HS6ST3: variants seen among roughly 807,000 people sequenced by gnomAD.
HS6ST3 encodes heparan-sulfate 6-O-sulfotransferase 3.
Under a neutral mutation model 36.7 loss-of-function variants are expected in HS6ST3, and 12 were observed. The observed-to-expected ratio is 0.33, with a 90% confidence interval of 0.21 to 0.53. The LOEUF is 0.53. Among genes scored for constraint, HS6ST3 ranks in the 20% least tolerant of loss-of-function variants. The pLI, the probability that HS6ST3 is intolerant of heterozygous loss-of-function variation, is 0.95. For synonymous variants in HS6ST3, 240 were observed against 257.5 expected (o/e 0.93, Z 0.65); for missense variants, 584 against 640.9 (o/e 0.91, Z 0.96).
chr13:96,744,708 C>A (rs775915412), intron 1 of HS6ST3, among the ~76,000 whole-genome samples: 1 of 152,054 alleles, frequency 6.6e-6, no homozygotes, highest in Non-Finnish European at 1.5e-5. Context: ...AAATGCACTG[C>A]AGTCATGAGG....
At chr13:96,701,493 G>A (rs1875283734) in intron 1 of HS6ST3, among the ~76,000 whole-genome samples, 1 of 152,060 alleles carries the variant, frequency 6.6e-6, no homozygotes, top group Admixed American at 6.6e-5. Context: ...TTTCTCAGAT[G>A]TAGAAATAAA....
rs912503440 is a variant in HS6ST3 at position 96,199,073 on chromosome 13, C to T, written c.707+107504C>T. On this transcript the variant is annotated intron_variant, in intron 1 of 1. Transcript: ENST00000376705. Reference sequence around the variant, plus strand: ...GCAAAAGCTGAAACCCCTGATAAACCCATCAGATCTCGTGAGACTTATTCA... The same window carrying T: ...GCAAAAGCTGAAACCCCTGATAAACTCATCAGATCTCGTGAGACTTATTCA... Among the ~76,000 whole-genome samples, 14 of 152,092 alleles carry T rather than the reference C, an allele frequency of 9.2e-5. No individual in the cohort carries two copies. The South Asian group carries it at 1.5e-3, about 16-fold the overall frequency.
chr13:96,474,188 A>G (rs1566371221), intron 1 of HS6ST3, among the ~76,000 whole-genome samples: 1 of 152,130 alleles, frequency 6.6e-6, no homozygotes, highest in Non-Finnish European at 1.5e-5. Flanking sequence ...TGTTGGACAC[A>G]TCTTAATGTT....
rs540487344 is a variant in HS6ST3, at chr13:96,521,606, C to T, written c.708-310884C>T. Among the ~76,000 whole-genome samples the T allele has an allele frequency of 1.1e-3, 169 of 152,220 alleles. 1 individual carries two copies. Among genetic ancestry groups the T allele is most frequent in the African/African-American group, 3.8e-3 (156 of 41,542 alleles). Reference sequence around the variant, plus strand: ...AGGGTGTATGTGTCCAGGAATTTATCCCTTTCTTCTAGATTTTCTAGCTTA... The same window carrying T: ...AGGGTGTATGTGTCCAGGAATTTATTCCTTTCTTCTAGATTTTCTAGCTTA... On this transcript the variant is annotated intron_variant, in intron 1 of 1. Transcript: ENST00000376705.
At chr13:96,781,372 G>C (rs558832945) in intron 1 of HS6ST3, among the ~76,000 whole-genome samples, 1 of 152,326 alleles carries the variant, frequency 6.6e-6, no homozygotes, top group East Asian at 1.9e-4. Context: ...CCTTTGGCCA[G>C]ATGCCCTTGT....
chr13:96,384,197 G>A (rs2055356236), intron 1 of HS6ST3, among the ~76,000 whole-genome samples: 1 of 152,144 alleles, frequency 6.6e-6, no homozygotes, highest in Non-Finnish European at 1.5e-5. Context: ...TTAGAGTGAG[G>A]TGTCCTTGGT....
chr13:96,405,215 T>C (rs1053442482), intron 1 of HS6ST3, among the ~76,000 whole-genome samples: 1 of 152,204 alleles, frequency 6.6e-6, no homozygotes, highest in African/African-American at 2.4e-5. Context: ...TTTTTTATTT[T>C]CCTCAAGTTT....
rs575468883 is a variant in HS6ST3 at position 96,658,865 on chromosome 13, C to T, written c.708-173625C>T. 3.7e-3 allele frequency among the ~76,000 whole-genome samples: 558 copies of T among 151,976 alleles called. 5 individuals are homozygous for T. Among genetic ancestry groups the T allele is most frequent in the African/African-American group, 7.7e-3 (318 of 41,480 alleles). ...GGATTACAGGCATGCACCACCACAC[C>T]CAGCTAATTTTTTTGTATTTTTAGT... On this transcript the variant is annotated intron_variant, in intron 1 of 1. Coordinates refer to ENST00000376705, the MANE Select transcript of HS6ST3 (RefSeq NM_153456.4).
At chr13:96,115,773 G>T (rs1482580466) in intron 1 of HS6ST3, among the ~76,000 whole-genome samples, 2 of 152,180 alleles carry the variant, frequency 1.3e-5, no homozygotes, top group East Asian at 1.9e-4. Context: ...TAATGGGATT[G>T]TTGGGTCAAA....
chr13:96,799,784 T>TA (rs141104397), intron 1 of HS6ST3, among the ~76,000 whole-genome samples: 662 of 140,088 alleles, frequency 4.7e-3, no homozygotes, highest in South Asian at 6.8e-3. Flanking sequence ...AGTATAATAA[T>TA]AAAAAAAAAA....
intron 1 of HS6ST3, among the ~76,000 whole-genome samples, chr13:96,186,994 C>T (rs1312509475): frequency 3.9e-5 from 6 of 152,202 alleles, no homozygotes; most frequent in East Asian, 1.9e-4. Context: ...GTTTATGGCT[C>T]AGGACTCTCT....
At chr13:96,728,820 C>A (rs1338293900) in intron 1 of HS6ST3, among the ~76,000 whole-genome samples, 1 of 152,126 alleles carries the variant, frequency 6.6e-6, no homozygotes, top group Non-Finnish European at 1.5e-5. Context: ...GAAGTGCTTT[C>A]TACCATTCAA....
chr13:96,168,234 G>C (rs186495100), intron 1 of HS6ST3, among the ~76,000 whole-genome samples: 1 of 152,132 alleles, frequency 6.6e-6, no homozygotes, highest in Non-Finnish European at 1.5e-5. Flanking sequence ...TGGCTATGGA[G>C]CCAGCAGTTT....
rs1013650337 is a variant in HS6ST3, at chr13:96,586,174, T to C, written c.708-246316T>C. Among the ~76,000 whole-genome samples the C allele has an allele frequency of 2.0e-5, 3 of 152,340 alleles. No homozygotes were observed. The South Asian group carries it at 6.2e-4, about 32-fold the overall frequency. ...TAGTACTTTTGTCTTGCTAGTATCT[T>C]TTGTCATTTTGATAATATAATACTC... On this transcript the variant is annotated intron_variant, in intron 1 of 1. Coordinates refer to ENST00000376705, the MANE Select transcript of HS6ST3 (RefSeq NM_153456.4).
chr13:96,485,532 A>G (rs2055910022), intron 1 of HS6ST3, among the ~76,000 whole-genome samples: 1 of 152,156 alleles, frequency 6.6e-6, no homozygotes, highest in African/African-American at 2.4e-5. Context: ...AACTAAAGCA[A>G]TTTTATTTCT....
chr13:96,495,413 C>G (rs933154260), intron 1 of HS6ST3, among the ~76,000 whole-genome samples: 1 of 152,164 alleles, frequency 6.6e-6, no homozygotes, highest in African/African-American at 2.4e-5. Flanking sequence ...AAACACCTTT[C>G]CTTCATCATT....
intron 1 of HS6ST3, among the ~76,000 whole-genome samples, chr13:96,161,517 A>T (rs538288284): frequency 8.5e-5 from 13 of 152,316 alleles, no homozygotes; most frequent in Non-Finnish European, 1.6e-4. Context: ...GATTCCTAAC[A>T]TGGAGTTCTT....
chr13:96,730,048 CT>C (rs1876108507), intron 1 of HS6ST3, among the ~76,000 whole-genome samples: 1 of 152,148 alleles, frequency 6.6e-6, no homozygotes, highest in South Asian at 2.1e-4. Context: ...TGTATCTTTT[CT>C]GTATGCATAA....
chr13:96,234,721 G>A lies in HS6ST3; in HGVS notation c.707+143152G>A, dbSNP rs535341909. On this transcript the variant is annotated intron_variant, in intron 1 of 1. Coordinates refer to ENST00000376705, the MANE Select transcript of HS6ST3 (RefSeq NM_153456.4). Reference sequence around the variant, plus strand: ...TCCCACCATATCCTTCCGATGATACGTGGGAATTATGGGAGCTACAATTCA... The same window carrying A: ...TCCCACCATATCCTTCCGATGATACATGGGAATTATGGGAGCTACAATTCA... Among the ~76,000 whole-genome samples the A allele has an allele frequency of 1.9e-3, 293 of 152,158 alleles. 2 individuals are homozygous for A. The highest frequency in any genetic ancestry group is 3.0e-3 in the Non-Finnish European group (206 of 67,990).
Sources: gnomAD v4.1 joint callset for allele counts (sites outside exome capture counted in the v4.1 genomes callset) on GRCh38, gnomAD v4.1.1 for gene constraint, MANE v1.5 for transcripts, NCBI Gene and HGNC (gene_info 2026-07-23, HGNC 2026-07-21) for gene names.